CDC20B: variants seen among roughly 807,000 people sequenced by gnomAD.
The protein encoded by CDC20B is cell division cycle 20B.
Under a neutral mutation model 64.1 loss-of-function variants are expected in CDC20B, and 58 were observed. That is an observed-to-expected ratio of 0.90 (90% CI 0.73 to 1.13). CDC20B has a LOEUF of 1.13. Among genes scored for constraint, CDC20B ranks in the 50% most tolerant of loss-of-function variants. The probability of loss-of-function intolerance (pLI) is 0.00; values close to 1 mark genes in which losing one functional copy is unlikely to be tolerated. For synonymous variants in CDC20B, 243 were observed against 230.6 expected (o/e 1.05, Z -0.49); for missense variants, 597 against 633.0 (o/e 0.94, Z 0.61).
chr5:55,170,267 T>A (rs1250594201), intron 2 of CDC20B, among the ~76,000 whole-genome samples: 1 of 152,230 alleles, frequency 6.6e-6, no homozygotes, highest in Non-Finnish European at 1.5e-5. Context: ...AAACACTGTC[T>A]ACTCCGAAAG....
At chr5:55,129,046 T>C (rs1030862824) in intron 6 of CDC20B, among the ~76,000 whole-genome samples, 8 of 152,152 alleles carry the variant, frequency 5.3e-5, no homozygotes, top group African/African-American at 1.9e-4. Flanking sequence ...GAGGTGGTGG[T>C]TCATGTATGA....
At chr5:55,160,873 G>GA (rs1230986437) in intron 2 of CDC20B, 39 of 1,080,908 alleles carry the variant, frequency 3.6e-5, no homozygotes, top group Non-Finnish European at 4.7e-5. Context: ...CCAAAAATAT[G>GA]AAAAAAACAT....
intron 5 of CDC20B, among the ~76,000 whole-genome samples, chr5:55,134,486 G>A (rs1354625855): frequency 6.6e-6 from 1 of 152,150 alleles, no homozygotes; most frequent in Non-Finnish European, 1.5e-5. Context: ...CCTGGGGCTG[G>A]GCACGGTGGC....
intron 2 of CDC20B, chr5:55,160,872 T>C (rs924341333): frequency 8.4e-6 from 9 of 1,070,980 alleles, no homozygotes; most frequent in Non-Finnish European, 1.2e-5. Flanking sequence ...TCCAAAAATA[T>C]GAAAAAAACA....
chr5:55,172,934 T>C lies in CDC20B; in HGVS notation c.63+4A>G. 6.2e-7 allele frequency: 1 copy of C among 1,603,404 alleles called. No homozygotes were observed. The highest frequency in any genetic ancestry group is 8.5e-7 in the Non-Finnish European group (1 of 1,174,440). Reference sequence around the variant, plus strand: ...GGGAGAATGCAGAAAAGGGTGTTACTCACCCACAGCATCTCCTCTTCCGTG... The same window carrying C: ...GGGAGAATGCAGAAAAGGGTGTTACCCACCCACAGCATCTCCTCTTCCGTG... On this transcript the variant is annotated splice_donor_region_variant and intron_variant, in intron 1 of 11. Transcript: ENST00000381375.
intron 6 of CDC20B, among the ~76,000 whole-genome samples, chr5:55,130,404 A>C (rs959809233): frequency 2.6e-5 from 4 of 152,184 alleles, no homozygotes; most frequent in Admixed American, 6.5e-5. Context: ...AAAATCTAAC[A>C]TATGTGTAAG....
chr5:55,162,070 C>G (rs1744095455), intron 2 of CDC20B, among the ~76,000 whole-genome samples: 1 of 133,246 alleles, frequency 7.5e-6, no homozygotes, highest in African/African-American at 2.9e-5. Context: ...GTGCCAGACA[C>G]TGTTCTAAAC....
intron 4 of CDC20B, among the ~76,000 whole-genome samples, chr5:55,142,980 C>T (rs548601788): frequency 2.0e-5 from 3 of 152,122 alleles, no homozygotes; most frequent in African/African-American, 7.2e-5. Context: ...AAAAGATTTA[C>T]GTCAGACTCC....
intron 11 of CDC20B, among the ~76,000 whole-genome samples, chr5:55,118,395 A>G (rs1482719260): frequency 1.3e-5 from 2 of 152,206 alleles, no homozygotes; most frequent in Non-Finnish European, 2.9e-5. Context: ...AAATTCTAAT[A>G]TTAATGAAAA....
intron 9 of CDC20B, among the ~76,000 whole-genome samples, chr5:55,123,639 G>A (rs571137288): frequency 6.1e-4 from 93 of 152,278 alleles, no homozygotes; most frequent in African/African-American, 2.1e-3. Flanking sequence ...CTCTCTCTTA[G>A]TGAAAAGGAC....
chr5:55,154,849 T>G (rs1743766704), intron 2 of CDC20B, among the ~76,000 whole-genome samples: 1 of 152,234 alleles, frequency 6.6e-6, no homozygotes, highest in African/African-American at 2.4e-5. Flanking sequence ...AAATTGTATT[T>G]AAATACTCAT....
chr5:55,171,793 C>G (rs1744607871), intron 2 of CDC20B, among the ~76,000 whole-genome samples: 1 of 152,054 alleles, frequency 6.6e-6, no homozygotes, highest in African/African-American at 2.4e-5. Flanking sequence ...TTTATAAAGA[C>G]AAGGTCTCCC....
intron 2 of CDC20B, among the ~76,000 whole-genome samples, chr5:55,156,611 C>G (rs1743815677): frequency 6.6e-6 from 1 of 152,150 alleles, no homozygotes; most frequent in African/African-American, 2.4e-5. Flanking sequence ...CATGGTGGCT[C>G]ATGCCTGTAA....
intron 5 of CDC20B, among the ~76,000 whole-genome samples, chr5:55,139,752 T>C (rs1743279817): frequency 6.6e-6 from 1 of 152,088 alleles, no homozygotes; most frequent in Non-Finnish European, 1.5e-5. Flanking sequence ...AACTAAATTC[T>C]TATCTACTAT....
chr5:55,140,771 C>T (rs921447309), intron 4 of CDC20B, among the ~76,000 whole-genome samples: 6 of 152,078 alleles, frequency 3.9e-5, no homozygotes, highest in African/African-American at 7.2e-5. Context: ...TCTTAAGGTC[C>T]TTTTTTGTTA....
chr5:55,132,756 A>G (rs1743062080), intron 6 of CDC20B, among the ~76,000 whole-genome samples: 1 of 152,138 alleles, frequency 6.6e-6, no homozygotes, highest in Non-Finnish European at 1.5e-5. Context: ...ATCTGTACCC[A>G]CCTATTCACC....
chr5:55,118,411 G>T (rs972351781), intron 11 of CDC20B, among the ~76,000 whole-genome samples: 3 of 152,092 alleles, frequency 2.0e-5, no homozygotes, highest in African/African-American at 7.2e-5. Flanking sequence ...GAAAAAACTC[G>T]CAAGGAGTTA....
chr5:55,142,134 C>G (rs1053424700), intron 4 of CDC20B, among the ~76,000 whole-genome samples: 12 of 152,048 alleles, frequency 7.9e-5, no homozygotes, highest in Admixed American at 6.6e-4. Flanking sequence ...TAGATGAGAT[C>G]GACTTACTAC....
chr5:55,133,372 T>C, intron 6 of CDC20B, 40 bp downstream of exon 6: 2 of 1,066,606 alleles, frequency 1.9e-6, no homozygotes, highest in East Asian at 5.0e-5. Flanking sequence ...ATGCATTTTG[T>C]CATTTCAACT....
Sources: gnomAD v4.1 joint callset for allele counts (sites outside exome capture counted in the v4.1 genomes callset) on GRCh38, gnomAD v4.1.1 for gene constraint, MANE v1.5 for transcripts, NCBI Gene and HGNC (gene_info 2026-07-23, HGNC 2026-07-21) for gene names.